Variants in TMEM232 observed in about 807,000 individuals in gnomAD.
TMEM232 encodes the protein transmembrane protein 232.
TMEM232 carries 80 observed loss-of-function variants against 78.8 expected under a neutral mutation model. The ratio of observed to expected loss-of-function variants is 1.01; its 90% CI spans 0.85 to 1.22. The LOEUF (loss-of-function observed/expected upper bound fraction) is 1.22. Among genes scored for constraint, TMEM232 ranks in the 50% most tolerant of loss-of-function variants. The probability of loss-of-function intolerance (pLI) is 0.00; values close to 1 mark genes in which losing one functional copy is unlikely to be tolerated. For missense variants in TMEM232, 881 were observed against 742.2 expected, an observed-to-expected ratio of 1.19 and a Z score of -2.17; for synonymous variants, 297 against 254.3, an observed-to-expected ratio of 1.17 and a Z score of -1.60.
At chr5:110,644,397 G>A (rs898121663) in intron 2 of TMEM232, among the ~76,000 whole-genome samples, 1 of 151,818 alleles carries the variant, frequency 6.6e-6, no homozygotes, top group African/African-American at 2.4e-5. Context: ...TTAAAAATAT[G>A]AAAATAACAG....
At chr5:110,701,300 T>C (rs1414075489) in intron 1 of TMEM232, among the ~76,000 whole-genome samples, 1 of 151,928 alleles carries the variant, frequency 6.6e-6, no homozygotes, top group East Asian at 1.9e-4. Flanking sequence ...TAGTGGCCAA[T>C]ACAAGTACAG....
At chr5:110,509,509 A>T (rs1767448943) in intron 12 of TMEM232, among the ~76,000 whole-genome samples, 2 of 152,094 alleles carry the variant, frequency 1.3e-5, no homozygotes, top group Non-Finnish European at 2.9e-5. Flanking sequence ...AAAGCCATTA[A>T]ATTTTGCTTC....
chr5:110,726,144 C>A (rs1288357506), intron 1 of TMEM232, among the ~76,000 whole-genome samples: 1 of 123,556 alleles, frequency 8.1e-6, no homozygotes, highest in Non-Finnish European at 1.7e-5. Flanking sequence ...ACACACAGAG[C>A]GCCAAATTTT....
At chr5:110,509,693 A>G (rs1767482915) in intron 12 of TMEM232, among the ~76,000 whole-genome samples, 2 of 152,118 alleles carry the variant, frequency 1.3e-5, no homozygotes, top group Non-Finnish European at 2.9e-5. Context: ...AAAATGTTTT[A>G]TTAGGTTTCT....
chr5:110,550,320 T>C (rs983711844), intron 11 of TMEM232, among the ~76,000 whole-genome samples: 2 of 152,164 alleles, frequency 1.3e-5, no homozygotes, highest in African/African-American at 2.4e-5. Flanking sequence ...TTTCTAAAAA[T>C]ATGCAATGTG....
At chr5:110,526,279 A>G (rs1770587784) in intron 12 of TMEM232, among the ~76,000 whole-genome samples, 1 of 151,686 alleles carries the variant, frequency 6.6e-6, no homozygotes, top group Non-Finnish European at 1.5e-5. Context: ...AATTAAAAAA[A>G]AAAGATGAGA....
At chr5:110,577,703 G>A (rs1777725595) in intron 10 of TMEM232, among the ~76,000 whole-genome samples, 1 of 152,080 alleles carries the variant, frequency 6.6e-6, no homozygotes, top group Non-Finnish European at 1.5e-5. Flanking sequence ...AAAAAATAAT[G>A]AGATCATGTC....
intron 10 of TMEM232, among the ~76,000 whole-genome samples, chr5:110,584,278 G>A (rs991987081): frequency 6.6e-5 from 10 of 151,666 alleles, no homozygotes; most frequent in Admixed American, 1.3e-4. Context: ...AATGGATAAG[G>A]AAAATGTCAT....
chr5:110,425,745 A>G (rs10078938), intron 12 of TMEM232, among the ~76,000 whole-genome samples: 8,174 of 151,994 alleles, frequency 0.054, 410 homozygotes, highest in African/African-American at 0.13. Flanking sequence ...AGCCACCATA[A>G]TCTCTCACCT....
intron 12 of TMEM232, among the ~76,000 whole-genome samples, chr5:110,499,604 A>G (rs1765999663): frequency 1.4e-5 from 2 of 147,248 alleles, no homozygotes; most frequent in Admixed American, 1.3e-4. Context: ...AAAGGAAAAG[A>G]GAGGGGAAAA....
At chr5:110,445,329 AAT>A (rs1759529924) in intron 12 of TMEM232, among the ~76,000 whole-genome samples, 1 of 152,110 alleles carries the variant, frequency 6.6e-6, no homozygotes, top group South Asian at 2.1e-4. Context: ...TATATAACTT[AAT>A]ATTTATGACA....
At chr5:110,662,976 T>C (rs558818792) in intron 2 of TMEM232, among the ~76,000 whole-genome samples, 1 of 152,246 alleles carries the variant, frequency 6.6e-6, no homozygotes, top group Non-Finnish European at 1.5e-5. Context: ...ATATCTGACT[T>C]TATAAAAATT....
intron 2 of TMEM232, among the ~76,000 whole-genome samples, chr5:110,662,241 G>A (rs940279035): frequency 6.6e-6 from 1 of 152,112 alleles, no homozygotes; most frequent in Admixed American, 6.6e-5. Context: ...TAAATGGCAT[G>A]AAAAATACTA....
At chr5:110,538,856 T>C (rs1047027527) in intron 11 of TMEM232, among the ~76,000 whole-genome samples, 1 of 152,086 alleles carries the variant, frequency 6.6e-6, no homozygotes, top group African/African-American at 2.4e-5. Flanking sequence ...CTGTTTTCAC[T>C]GCTTTTGCAG....
chr5:110,449,063 T>TA lies in TMEM232; in HGVS notation c.1704-24148dup, dbSNP rs575344968. 2.2e-4 allele frequency among the ~76,000 whole-genome samples: 34 copies of TA among 152,016 alleles called. 1 individual carries two copies. In the South Asian group the frequency reaches 4.1e-3, roughly 19 times the overall value. On this transcript the variant is annotated intron_variant, in intron 12 of 13. Transcript: ENST00000455884. The stretch of plus-strand genomic sequence containing the variant: ...TGAGACTGTTGAAACAAAATGATAT[T>TA]AAAAAAGGAAATGAAAATGATTGTT...
rs529060965 is a variant in TMEM232, at chr5:110,471,978, T to C, written c.1704-47062A>G. 3.9e-5 allele frequency among the ~76,000 whole-genome samples: 6 copies of C among 152,018 alleles called. No individual in the cohort carries two copies. In the South Asian group the frequency reaches 8.3e-4, roughly 21 times the overall value. ...CTATGAACAACTATACACCTACAAATTGGGAAACCTAGAAGAAAGAGATAA... is the reference window on the plus strand; with the variant it reads ...CTATGAACAACTATACACCTACAAACTGGGAAACCTAGAAGAAAGAGATAA... On this transcript the variant is annotated intron_variant, in intron 12 of 13. Coordinates refer to ENST00000455884, the MANE Select transcript of TMEM232 (RefSeq NM_001039763.4).
At chr5:110,461,528 T>C (rs1007198741) in intron 12 of TMEM232, among the ~76,000 whole-genome samples, 3 of 152,202 alleles carry the variant, frequency 2.0e-5, no homozygotes, top group Admixed American at 1.3e-4. Flanking sequence ...CCAAAGGATA[T>C]AGCTAAGATA....
At chr5:110,425,550 T>G (rs539994532) in intron 12 of TMEM232, among the ~76,000 whole-genome samples, 30 of 152,044 alleles carry the variant, frequency 2.0e-4, no homozygotes, top group Middle Eastern at 3.4e-3. Context: ...TTCAAAAAAG[T>G]CTAGTCAATT....
intron 12 of TMEM232, among the ~76,000 whole-genome samples, chr5:110,427,102 C>A (rs567782216): frequency 2.0e-5 from 3 of 151,772 alleles, no homozygotes; most frequent in Non-Finnish European, 4.4e-5. Context: ...AAAGATAACA[C>A]GAGAGAAGTA....
Sources: gnomAD v4.1 joint callset for allele counts (sites outside exome capture counted in the v4.1 genomes callset) on GRCh38, gnomAD v4.1.1 for gene constraint, MANE v1.5 for transcripts, NCBI Gene and HGNC (gene_info 2026-07-23, HGNC 2026-07-21) for gene names.